Variants in ICA1L observed in about 807,000 individuals in gnomAD.
ICA1L encodes islet cell autoantigen 1-like protein.
ICA1L carries 50 observed loss-of-function variants against 61.3 expected under a neutral mutation model. The ratio of observed to expected loss-of-function variants is 0.82; its 90% confidence interval spans 0.65 to 1.03. ICA1L has a LOEUF of 1.03. Ranked by LOEUF, ICA1L falls within the 50% of genes least tolerant of loss-of-function variation. The probability of loss-of-function intolerance (pLI) is 0.00; values close to 1 mark genes in which losing one functional copy is unlikely to be tolerated. For missense variants in ICA1L, 508 were observed against 556.7 expected (o/e 0.91, Z 0.88); for synonymous variants, 161 against 191.3 (o/e 0.84, Z 1.31).
At chr2:202,842,822 T>C (rs1694368007) in intron 1 of ICA1L, among the ~76,000 whole-genome samples, 1 of 152,196 alleles carries the variant, frequency 6.6e-6, no homozygotes, top group Admixed American at 6.5e-5. Flanking sequence ...AAGCTTTAAA[T>C]CTTCTAAGCT....
intron 12 of ICA1L, among the ~76,000 whole-genome samples, chr2:202,782,221 T>G (rs184640100): frequency 6.8e-4 from 103 of 152,008 alleles, no homozygotes; most frequent in African/African-American, 2.4e-3. Flanking sequence ...CTGGCGTGCC[T>G]GTAATCGCAG....
intron 1 of ICA1L, among the ~76,000 whole-genome samples, chr2:202,850,156 A>T (rs1287487504): frequency 6.6e-6 from 1 of 152,202 alleles, no homozygotes; most frequent in Non-Finnish European, 1.5e-5. Flanking sequence ...AGCCTCAAAG[A>T]TCAAAGGTAG....
In ICA1L at chr2:202,783,904, TG is replaced by T. The variant is rs563884639; in HGVS notation, c.1333+2013del. ...TCAGAAGAAATTTATATGTATATGA[TG>T]GGGGGGTGGGGAAGAAAGAGGATGA... On this transcript the variant is annotated intron_variant, in intron 12 of 12. Coordinates refer to ENST00000358299, the MANE Select transcript of ICA1L (RefSeq NM_001288622.3). 5.4e-5 allele frequency among the ~76,000 whole-genome samples: 8 copies of T among 148,302 alleles called. No individual in the cohort carries two copies. In the South Asian group the frequency reaches 6.7e-4, roughly 12 times the overall value.
chr2:202,816,587 C>T (rs1381809018), intron 6 of ICA1L, among the ~76,000 whole-genome samples: 2 of 152,136 alleles, frequency 1.3e-5, no homozygotes, highest in Non-Finnish European at 1.5e-5. Context: ...GAAAACTGAA[C>T]TCATAGCTAT....
At chr2:202,782,616 C>T (rs1036706625) in intron 12 of ICA1L, among the ~76,000 whole-genome samples, 5 of 152,042 alleles carry the variant, frequency 3.3e-5, no homozygotes, top group South Asian at 4.2e-4. Context: ...ACCATGTTGG[C>T]CAGGCTGGTC....
At chr2:202,819,239 T>C (rs1178964209) in intron 5 of ICA1L, among the ~76,000 whole-genome samples, 1 of 152,240 alleles carries the variant, frequency 6.6e-6, no homozygotes, top group Non-Finnish European at 1.5e-5. Flanking sequence ...GGAGTTTATT[T>C]AGCAAAAACA....
intron 1 of ICA1L, among the ~76,000 whole-genome samples, chr2:202,865,831 T>G (rs1428891226): frequency 1.3e-5 from 2 of 152,186 alleles, no homozygotes. Context: ...CTCCCTATGT[T>G]GCCCAGGTTG....
intron 1 of ICA1L, among the ~76,000 whole-genome samples, chr2:202,860,864 A>C (rs1020651152): frequency 6.6e-6 from 1 of 152,210 alleles, no homozygotes; most frequent in Non-Finnish European, 1.5e-5. Context: ...TGTCTGAAAA[A>C]ACAGGTTTCA....
At position 202,788,812 on chromosome 2, in the gene ICA1L, T is replaced by C; in HGVS notation, c.1243+18A>G. On this transcript the variant is annotated intron_variant, in intron 11 of 12. Transcript: ENST00000358299. ...ATAAAGTAAAGCACATATGTCCAAA[T>C]GTTTCATAGACACTTACTGTTGAAC... 1 of 1,613,412 alleles carries C rather than the reference T, an allele frequency of 6.2e-7. No homozygotes were observed. Among genetic ancestry groups the C allele is most frequent in the South Asian group, 1.1e-5 (1 of 90,908 alleles).
intron 10 of ICA1L, among the ~76,000 whole-genome samples, chr2:202,791,155 G>A (rs867925175): frequency 6.6e-6 from 1 of 152,202 alleles, no homozygotes; most frequent in South Asian, 2.1e-4. Flanking sequence ...ACAAATTTCA[G>A]TGGCCTTAAG....
At chr2:202,855,274 C>A (rs1400215674) in intron 1 of ICA1L, among the ~76,000 whole-genome samples, 1 of 151,942 alleles carries the variant, frequency 6.6e-6, no homozygotes, top group South Asian at 2.1e-4. Context: ...CAAAAACTAG[C>A]AGAAGACAAG....
intron 3 of ICA1L, among the ~76,000 whole-genome samples, chr2:202,822,488 T>C (rs1485426557): frequency 6.6e-6 from 1 of 152,106 alleles, no homozygotes; most frequent in Non-Finnish European, 1.5e-5. Context: ...TTTTATTGAA[T>C]TTTACAAAGG....
chr2:202,856,985 TACAA>T (rs1401802461), intron 1 of ICA1L, among the ~76,000 whole-genome samples: 8 of 152,060 alleles, frequency 5.3e-5, no homozygotes, highest in African/African-American at 1.9e-4. Context: ...TAAGAGAGGA[TACAA>T]ACAAATGCAA....
At chr2:202,820,614 T>C (rs1271891461) in intron 4 of ICA1L, among the ~76,000 whole-genome samples, 1 of 152,198 alleles carries the variant, frequency 6.6e-6, no homozygotes, top group Non-Finnish European at 1.5e-5. Flanking sequence ...CTAATGAGTA[T>C]GGAGTTCTTA....
chr2:202,781,476 A>G (rs764182724), intron 12 of ICA1L, among the ~76,000 whole-genome samples: 1 of 150,752 alleles, frequency 6.6e-6, no homozygotes, highest in Admixed American at 6.6e-5. Context: ...TGGAAGGCTG[A>G]GGCATGAGAA....
chr2:202,842,706 T>C (rs1553537337), intron 1 of ICA1L, among the ~76,000 whole-genome samples: 1 of 152,198 alleles, frequency 6.6e-6, no homozygotes, highest in African/African-American at 2.4e-5. Flanking sequence ...GATTTGGAAA[T>C]TTTTCTGCTA....
At chr2:202,844,326 T>C (rs1358107155) in intron 1 of ICA1L, 1 of 152,066 alleles carries the variant, frequency 6.6e-6, no homozygotes, top group African/African-American at 2.4e-5. Flanking sequence ...TAGTGAGCTA[T>C]GAATGTGCCA....
At chr2:202,832,373 G>C (rs748387037) in intron 1 of ICA1L, among the ~76,000 whole-genome samples, 29 of 150,296 alleles carry the variant, frequency 1.9e-4, no homozygotes, top group Non-Finnish European at 2.5e-4. Context: ...CTTGAACCCG[G>C]AAGGCGGAGG....
At position 202,774,873 on chromosome 2, in the gene ICA1L, CAT is replaced by C. The variant is rs1272528508; in HGVS notation, c.*4658_*4659del. On this transcript the variant is annotated 3_prime_UTR_variant, in exon 13 of 13. Coordinates refer to ENST00000358299, the MANE Select transcript of ICA1L (RefSeq NM_001288622.3). ...AAAACGTACACTACAAATGTAAAAA[CAT>C]ACACTGCAAAATCTCACCCACAACA... 1 of 152,290 alleles carries C rather than the reference CAT, an allele frequency of 6.6e-6. No individual in the cohort carries two copies. The highest frequency in any genetic ancestry group is 1.5e-5 in the Non-Finnish European group (1 of 68,098). 9.4% of individuals were successfully genotyped at this position (152,290 alleles called of 1,614,324 possible). A position where few individuals can be genotyped will look rare whatever the true frequency, so the allele number is the denominator to read the frequency against.
Sources: allele counts gnomAD v4.1 joint callset (sites outside exome capture counted in the v4.1 genomes callset), GRCh38; gene constraint gnomAD v4.1.1; transcripts MANE v1.5; gene names NCBI Gene and HGNC (gene_info 2026-07-23, HGNC 2026-07-21).